Variants in CCDC120 observed in about 807,000 individuals in gnomAD.
CCDC120 encodes the protein coiled-coil domain containing 120.
Under a neutral mutation model 37.6 loss-of-function variants are expected in CCDC120, and 16 were observed. The observed-to-expected ratio is 0.43, with a 90% confidence interval of 0.29 to 0.65. The LOEUF (loss-of-function observed/expected upper bound fraction) is 0.65. CCDC120 is among the 30% of genes least tolerant of loss of function. The pLI, the probability that CCDC120 is intolerant of heterozygous loss-of-function variation, is 0.18. For synonymous variants in CCDC120, 309 were observed against 275.4 expected (o/e 1.12, Z -1.21); for missense variants, 650 against 657.4 (o/e 0.99, Z 0.12).
At position 49,061,966 on chromosome X, in the gene CCDC120, T is replaced by G; in HGVS notation, c.-76T>G. The G allele has an allele frequency of 8.8e-7, 1 of 1,136,296 alleles. No individual in the cohort carries two copies. The highest frequency in any genetic ancestry group is 1.2e-6 in the Non-Finnish European group (1 of 863,189). The allele number at this position is 1,136,296 out of a possible 1,213,427, so 93.6% of individuals were successfully genotyped here. On this transcript the variant is annotated 5_prime_UTR_variant, in exon 2 of 11. Coordinates refer to ENST00000603986, the MANE Select transcript of CCDC120 (RefSeq NM_001163321.4). ...TTAATTCTCCTTCCCCAGGCAAGAC[T>G]CGTGGCTGTGACCCATGGGCCTCTG... is the stretch of plus-strand genomic sequence containing the variant.
At chrX:49,061,882 C>T in intron 1 of CCDC120, 77 bp from the exon 2 acceptor site, 1 of 990,095 alleles carries the variant, frequency 1.0e-6, no homozygotes, top group Non-Finnish European at 1.3e-6. Context: ...GTAACTGTTG[C>T]AGGCACCCAG....
upstream of CCDC120, among the ~76,000 whole-genome samples, chrX:49,054,587 C>G (rs1336395444): frequency 9.0e-6 from 1 of 110,897 alleles, no homozygotes; most frequent in Non-Finnish European, 1.9e-5. Context: ...CCATCCTGAA[C>G]CTGCCCTTTT....
At position 49,067,912 on chromosome X, in the gene CCDC120, C is replaced by T. The variant is rs1270403102; in HGVS notation, c.1798C>T (p.Arg600Trp). 3.4e-6 allele frequency: 4 copies of T among 1,160,122 alleles called. No individual in the cohort carries two copies. Among genetic ancestry groups the T allele is most frequent in the South Asian group, 1.9e-5 (1 of 52,207 alleles). The change falls in exon 10 of 11, where the codon CGG becomes TGG. Residue 600 changes from arginine to tryptophan, a missense_variant. By Grantham distance (101) the Arg-to-Trp change is moderately radical. Coordinates refer to ENST00000603986, the MANE Select transcript of CCDC120 (RefSeq NM_001163321.4). ...GGAGGGGCTGCGGGACTGGTACATC[C>T]GGAACTCGGGACTGGCTGCGGGGCC... ...ALEGLRDWYI[R>W]NSGLAAGPQR...
chrX:49,056,342 T>C (rs1260735740), upstream of CCDC120, among the ~76,000 whole-genome samples: 1 of 110,353 alleles, frequency 9.1e-6, no homozygotes, highest in Non-Finnish European at 1.9e-5. Flanking sequence ...CAAAAATGCA[T>C]CTGAGGCCGG....
rs1239197068 is a variant in CCDC120 at position 49,065,175 on chromosome X, A to G, written c.787+77A>G. 20 of 979,329 alleles carry G rather than the reference A, an allele frequency of 2.0e-5. No individual in the cohort carries two copies. In the East Asian group the frequency reaches 5.7e-4, roughly 28 times the overall value. 80.7% of individuals were successfully genotyped at this position (979,329 alleles called of 1,213,427 possible). On this transcript the variant is annotated intron_variant, in intron 7 of 10. Transcript: ENST00000603986. The stretch of plus-strand genomic sequence containing the variant: ...CCATCCCCTTTATTCATCCGACCAC[A>G]TCCTGCATGATCAGCCCATCCTTTG...
upstream of CCDC120, among the ~76,000 whole-genome samples, chrX:49,056,997 C>T (rs782031167): frequency 5.5e-4 from 62 of 112,389 alleles, 3 homozygotes; most frequent in South Asian, 0.014. Context: ...TTCAAGCAGT[C>T]ACACAGCTAG....
At chrX:49,066,598 G>A (rs1337808953) in intron 9 of CCDC120, 2 of 112,117 alleles carry the variant, frequency 1.8e-5, no homozygotes, top group African/African-American at 6.5e-5. Context: ...TAGAGTCCAT[G>A]CTTTTAACCA....
upstream of CCDC120, among the ~76,000 whole-genome samples, chrX:49,057,324 T>C (rs1047029643): frequency 7.1e-5 from 8 of 112,374 alleles, no homozygotes; most frequent in Non-Finnish European, 1.5e-4. Flanking sequence ...TCAAAGTTAT[T>C]TGGGGCCTCC....
At chrX:49,059,694 T>G (rs1377544730) in intron 1 of CCDC120, among the ~76,000 whole-genome samples, 1 of 112,571 alleles carries the variant, frequency 8.9e-6, no homozygotes, top group Non-Finnish European at 1.9e-5. Context: ...CAGGAATTTC[T>G]TTCTCGGCTG....
chrX:49,064,040 G>A, intron 5 of CCDC120, 39 bp downstream of exon 5: 3 of 1,164,160 alleles, frequency 2.6e-6, no homozygotes, highest in Non-Finnish European at 3.5e-6. Flanking sequence ...GGTGGGAAGA[G>A]GGGACAGGTA....
chrX:49,058,689 T>A (rs1300224924), upstream of CCDC120, among the ~76,000 whole-genome samples: 1 of 112,535 alleles, frequency 8.9e-6, no homozygotes, highest in Non-Finnish European at 1.9e-5. Context: ...TGGCCAGTTT[T>A]AAAAAAAATT....
chrX:49,064,475 C>A lies in CCDC120; in HGVS notation c.535C>A (p.Arg179=), dbSNP rs367553934. ...LAPDLSTEQR[R]RRRQVQADAL... ...CCCTGATCTGAGCACCGAGCAGCGC[C>A]GGCGCCGGCGCCAGGTCCAGGCAGA... The change falls in exon 6 of 11, where the codon CGG becomes AGG. Residue 179 remains arginine, a synonymous_variant. Coordinates refer to ENST00000603986, the MANE Select transcript of CCDC120 (RefSeq NM_001163321.4). The A allele has an allele frequency of 4.2e-6, 5 of 1,179,577 alleles. No homozygotes were observed. In the South Asian group the frequency reaches 9.3e-5, roughly 22 times the overall value.
chrX:49,063,609 AAAAAC>A (rs2064914386), intron 4 of CCDC120, among the ~76,000 whole-genome samples: 1 of 111,227 alleles, frequency 9.0e-6, no homozygotes, highest in Non-Finnish European at 1.9e-5. Flanking sequence ...TCACCTTTAT[AAAAAC>A]AAAACAATTC....
Position 49,059,333 on chromosome X carries a change from C to T in CCDC120, c.-84+238C>T, listed in dbSNP as rs191509158. 234 of 752,584 alleles carry T rather than the reference C, an allele frequency of 3.1e-4. 1 individual carries two copies. In the African/African-American group the frequency reaches 4.8e-3, roughly 16 times the overall value. The allele number at this position is 752,584 out of a possible 1,213,427, so 62.0% of individuals were successfully genotyped here. On this transcript the variant is annotated intron_variant, in intron 1 of 10. Coordinates refer to ENST00000603986, the MANE Select transcript of CCDC120 (RefSeq NM_001163321.4). ...TCCTGGCACCAAGCCGATTCCCGGC[C>T]GGAAATGGACGAGGAGGGATCGGGG...
chrX:49,065,068 C>G lies in CCDC120; in HGVS notation c.757C>G (p.Leu253Val), dbSNP rs1557080735. 3 of 1,211,627 alleles carry G rather than the reference C, an allele frequency of 2.5e-6. No homozygotes were observed. Among genetic ancestry groups the G allele is most frequent in the South Asian group, 1.8e-5 (1 of 56,969 alleles). The change falls in exon 7 of 11, where the codon CTC becomes GTC. Residue 253 changes from leucine to valine, a missense_variant. Leu to Val is a conservative substitution (Grantham distance 32). This residue lies in a region of CCDC120 where 576 missense variants were observed against 565.3 expected (regional missense o/e 1.02). Transcript: ENST00000603986. ...AGTTCTGCACTCAGAGAGCAGCTCC[C>G]TCTCAGAGTCTGGGGCCAGCCATGA... is the stretch of plus-strand genomic sequence containing the variant. ...DVVLHSESSS[L>V]SESGASHDNE...
At chrX:49,059,919 AG>A (rs1323421548) in intron 1 of CCDC120, among the ~76,000 whole-genome samples, 1 of 111,526 alleles carries the variant, frequency 9.0e-6, no homozygotes, top group Non-Finnish European at 1.9e-5. Flanking sequence ...AGGCAGCTCC[AG>A]GCCCCAAGGC....
At chrX:49,063,651 TC>T (rs1557080091) in intron 4 of CCDC120, among the ~76,000 whole-genome samples, 1 of 111,525 alleles carries the variant, frequency 9.0e-6, no homozygotes, top group African/African-American at 3.3e-5. Context: ...TCTCCCTGCC[TC>T]CCATGCCCAC....
chrX:49,067,940 A>G lies in CCDC120; in HGVS notation c.1826A>G (p.Gln609Arg), dbSNP rs1557082034. 7.0e-6 allele frequency: 8 copies of G among 1,139,079 alleles called. No homozygotes were observed. The highest frequency in any genetic ancestry group is 9.3e-6 in the Non-Finnish European group (8 of 857,823). The allele number at this position is 1,139,079 out of a possible 1,213,427, so 93.9% of individuals were successfully genotyped here. A position where few individuals can be genotyped will look rare whatever the true frequency, so the allele number is the denominator to read the frequency against. Reference protein sequence around the residue: ...IRNSGLAAGPQRRPVLPSVGP... With the variant: ...IRNSGLAAGPRRRPVLPSVGP... ...AACTCGGGACTGGCTGCGGGGCCCC[A>G]GCGCCGGCCTGTGCTCCCTTCCGTG... The change falls in exon 10 of 11, where the codon CAG becomes CGG. Residue 609 changes from glutamine to arginine, a missense_variant. Gln to Arg is a conservative substitution (Grantham distance 43). Transcript: ENST00000603986.
chrX:49,056,134 G>A (rs1227503015), upstream of CCDC120, among the ~76,000 whole-genome samples: 4 of 111,692 alleles, frequency 3.6e-5, no homozygotes, highest in African/African-American at 1.3e-4. Flanking sequence ...AATCCATTCA[G>A]TTCTTGCATT....
Sources: gnomAD v4.1 joint callset for allele counts (sites outside exome capture counted in the v4.1 genomes callset) on GRCh38, gnomAD v4.1.1 for gene constraint, gnomAD v4.1.1 regional missense constraint, MANE v1.5 for transcripts, NCBI Gene and HGNC (gene_info 2026-07-23, HGNC 2026-07-21) for gene names.